The following RASAL2 variants were observed in gnomAD, a reference collection of about 807,000 sequenced individuals.
RASAL2 encodes ras GTPase-activating protein nGAP.
A neutral mutation model predicts 128.9 loss-of-function variants in RASAL2; 58 were observed. That is an observed-to-expected ratio of 0.45 (90% CI 0.36 to 0.56). The LOEUF (loss-of-function observed/expected upper bound fraction) is 0.56. RASAL2 is among the 20% of genes least tolerant of loss of function. RASAL2 has a pLI of 0.00. For synonymous variants in RASAL2, 561 were observed against 580.8 expected (o/e 0.97, Z 0.49); for missense variants, 1,360 against 1,601.6 (o/e 0.85, Z 2.57).
At chr1:178,196,215 A>G (rs1038542827) in intron 1 of RASAL2, among the ~76,000 whole-genome samples, 2 of 152,154 alleles carry the variant, frequency 1.3e-5, no homozygotes, top group African/African-American at 2.4e-5. Flanking sequence ...TAATTGTATT[A>G]TATATACCTA....
At chr1:178,217,238 G>A (rs946696900) in intron 1 of RASAL2, among the ~76,000 whole-genome samples, 1 of 152,158 alleles carries the variant, frequency 6.6e-6, no homozygotes, top group African/African-American at 2.4e-5. Context: ...GCCTCCCAAA[G>A]TGCTGGGATT....
chr1:178,351,513 C>T (rs963786095), intron 3 of RASAL2, among the ~76,000 whole-genome samples: 19 of 152,168 alleles, frequency 1.2e-4, no homozygotes, highest in African/African-American at 3.4e-4. Context: ...GGGCGGATCA[C>T]GAGGTCAGGA....
intron 11 of RASAL2, 121 bp downstream of exon 11, chr1:178,452,773 T>A: frequency 1.3e-6 from 1 of 763,614 alleles, no homozygotes; most frequent in Non-Finnish European, 2.1e-6. Context: ...GTGTTATTAA[T>A]AAATATAGCA....
rs1677889383 is a variant in RASAL2, at chr1:178,457,877, A to C, written c.2585A>C (p.Glu862Ala). 1 of 1,614,046 alleles carries C rather than the reference A, an allele frequency of 6.2e-7. No homozygotes were observed. The highest frequency in any genetic ancestry group is 1.3e-5 in the African/African-American group (1 of 74,910). The stretch of plus-strand genomic sequence containing the variant: ...CAGGACACTCATGCTGCTCAAGTGG[A>C]GCATGCATCTGTCATGCTTGATGTG... ...DLQDTHAAQV[E>A]HASVMLDVPI... The change falls in exon 14 of 18, where the codon GAG becomes GCG. Residue 862 changes from glutamate (E) to alanine (A), a missense_variant. Physicochemically the swap from Glu to Ala is moderately radical, Grantham distance 107. Transcript: ENST00000367649.
chr1:178,304,575 T>C (rs1667909238), intron 3 of RASAL2, among the ~76,000 whole-genome samples: 1 of 152,134 alleles, frequency 6.6e-6, no homozygotes, highest in African/African-American at 2.4e-5. Context: ...ATTAGGGTTC[T>C]TGGTAAGTTT....
intron 3 of RASAL2, among the ~76,000 whole-genome samples, chr1:178,306,393 A>C (rs2102287680): frequency 6.6e-6 from 1 of 152,318 alleles, no homozygotes; most frequent in East Asian, 1.9e-4. Context: ...CATGATTTAT[A>C]GTCCTTTGGG....
chr1:178,441,449 G>A (rs1432572844), intron 6 of RASAL2, 100 bp from the exon 7 acceptor site: 7 of 761,582 alleles, frequency 9.2e-6, no homozygotes, highest in South Asian at 3.4e-5. Flanking sequence ...AGGACATTTC[G>A]ACCTTATCAT....
intron 1 of RASAL2, among the ~76,000 whole-genome samples, chr1:178,229,644 T>C (rs984661933): frequency 1.3e-5 from 2 of 152,148 alleles, no homozygotes; most frequent in Non-Finnish European, 2.9e-5. Context: ...TATTGCCATT[T>C]AGTCACTTGC....
rs147289129 is a variant in RASAL2 at position 178,184,695 on chromosome 1, T to C, written c.202+90001T>C. Among the ~76,000 whole-genome samples the C allele has an allele frequency of 2.9e-3, 435 of 152,220 alleles. 4 individuals carry two copies. Among genetic ancestry groups the C allele is most frequent in the Non-Finnish European group, 1.9e-3 (126 of 67,946 alleles). Reference sequence around the variant, plus strand: ...CATTGCTTTTTCTGTTCTTTGTAGATACTATGCTCTCTTGATTACTGTAGC... The same window carrying C: ...CATTGCTTTTTCTGTTCTTTGTAGACACTATGCTCTCTTGATTACTGTAGC... On this transcript the variant is annotated intron_variant, in intron 1 of 17. Transcript: ENST00000367649.
chr1:178,342,199 C>T (rs1038967429), intron 3 of RASAL2, among the ~76,000 whole-genome samples: 5 of 152,144 alleles, frequency 3.3e-5, no homozygotes, highest in Non-Finnish European at 7.3e-5. Flanking sequence ...AGTTTATTGA[C>T]TTATTGAAAG....
At position 178,349,258 on chromosome 1, in the gene RASAL2, T is replaced by TAA. The variant is rs1163062770; in HGVS notation, c.458-40823_458-40822dup. On this transcript the variant is annotated intron_variant, in intron 3 of 17. Coordinates refer to ENST00000367649, the MANE Select transcript of RASAL2 (RefSeq NM_170692.4). Reference sequence around the variant, plus strand: ...ACATGGTGAAACCCTGTCTCTACTTTAAAAAAAAAAAAAAAAAAAAGCCAG... The same window carrying TAA: ...ACATGGTGAAACCCTGTCTCTACTTTAAAAAAAAAAAAAAAAAAAAAAGCCAG... Among the ~76,000 whole-genome samples, 415 of 110,802 alleles carry TAA rather than the reference T, an allele frequency of 3.7e-3. 7 individuals are homozygous for TAA. The highest frequency in any genetic ancestry group is 0.013 in the African/African-American group (378 of 30,020). The allele number at this position is 110,802 out of a possible 152,430, so 72.7% of individuals were successfully genotyped here. A position where few individuals can be genotyped will look rare whatever the true frequency, so the allele number is the denominator to read the frequency against.
chr1:178,189,166 A>G (rs1278049061), intron 1 of RASAL2, among the ~76,000 whole-genome samples: 1 of 152,206 alleles, frequency 6.6e-6, no homozygotes, highest in Non-Finnish European at 1.5e-5. Context: ...TTTATGGCTA[A>G]TCATTATGGC....
intron 1 of RASAL2, chr1:178,120,929 G>A (rs367767204): frequency 6.6e-6 from 1 of 152,230 alleles, no homozygotes; most frequent in Admixed American, 6.5e-5. Context: ...ATGAAGCTTC[G>A]CTTGCGCTTG....
chr1:178,170,659 A>G (rs1661675886), intron 1 of RASAL2, among the ~76,000 whole-genome samples: 1 of 151,330 alleles, frequency 6.6e-6, no homozygotes, highest in Non-Finnish European at 1.5e-5. Context: ...AGGACATTCT[A>G]TTTATTCATA....
intron 1 of RASAL2, among the ~76,000 whole-genome samples, chr1:178,161,167 A>G (rs1049696028): frequency 1.3e-5 from 2 of 152,156 alleles, no homozygotes; most frequent in African/African-American, 4.8e-5. Flanking sequence ...AAAACGTACA[A>G]TTAAGTAGTT....
intron 1 of RASAL2, among the ~76,000 whole-genome samples, chr1:178,242,257 T>C (rs1023931362): frequency 6.6e-6 from 1 of 152,198 alleles, no homozygotes; most frequent in African/African-American, 2.4e-5. Flanking sequence ...AATTAGTATA[T>C]ATGGTTTATA....
At chr1:178,395,825 A>C in intron 4 of RASAL2, among the ~76,000 whole-genome samples, 1 of 148,538 alleles carries the variant, frequency 6.7e-6, no homozygotes, top group Non-Finnish European at 1.5e-5. Flanking sequence ...ATGTATAGAT[A>C]TGAGTATATT....
rs993907484 is a variant in RASAL2 at position 178,358,168 on chromosome 1, G to A, written c.458-31932G>A. Among the ~76,000 whole-genome samples the A allele has an allele frequency of 1.1e-4, 16 of 149,354 alleles. No individual in the cohort carries two copies. In the East Asian group the frequency reaches 3.0e-3, roughly 28 times the overall value. ...CAAGAATTGCTTGAACCTGGGAGGC[G>A]GAGGTTGCAGTAAGCCGAGAAGGCG... On this transcript the variant is annotated intron_variant, in intron 3 of 17. Coordinates refer to ENST00000367649, the MANE Select transcript of RASAL2 (RefSeq NM_170692.4).
intron 14 of RASAL2, among the ~76,000 whole-genome samples, chr1:178,459,915 A>G (rs910019661): frequency 6.6e-6 from 1 of 152,196 alleles, no homozygotes; most frequent in Non-Finnish European, 1.5e-5. Flanking sequence ...TATATGTATC[A>G]TATGTATTTT....
Sources: gnomAD v4.1 joint callset for allele counts (sites outside exome capture counted in the v4.1 genomes callset) on GRCh38, gnomAD v4.1.1 for gene constraint, MANE v1.5 for transcripts, NCBI Gene and HGNC (gene_info 2026-07-23, HGNC 2026-07-21) for gene names.